The following TTLL11 variants were observed in gnomAD, a reference collection of about 807,000 sequenced individuals.
TTLL11 encodes the protein tubulin polyglutamylase TTLL11.
Under a neutral mutation model 51.7 loss-of-function variants are expected in TTLL11, and 42 were observed. That is an observed-to-expected ratio of 0.81 (90% CI 0.64 to 1.05). The LOEUF is 1.05. Ranked by LOEUF, TTLL11 falls within the 50% of genes least tolerant of loss-of-function variation. The probability of loss-of-function intolerance (pLI) is 0.00; values close to 1 mark genes in which losing one functional copy is unlikely to be tolerated. For synonymous variants in TTLL11, 381 were observed against 383.5 expected, an observed-to-expected ratio of 0.99 and a Z score of 0.08; for missense variants, 799 against 940.4, an observed-to-expected ratio of 0.85 and a Z score of 1.97.
At chr9:121,879,283 T>C (rs535358467) in intron 6 of TTLL11, among the ~76,000 whole-genome samples, 54 of 152,240 alleles carry the variant, frequency 3.5e-4, no homozygotes, top group Admixed American at 1.6e-3. Context: ...CCCCATCCCA[T>C]GTAACCAAAC....
chr9:121,972,226 C>T (rs1446457952), intron 6 of TTLL11, among the ~76,000 whole-genome samples: 1 of 152,104 alleles, frequency 6.6e-6, no homozygotes, highest in East Asian at 1.9e-4. Context: ...ACCCAAATCT[C>T]CTTACAGTAC....
chr9:122,024,050 T>C (rs1844260235), intron 3 of TTLL11, among the ~76,000 whole-genome samples: 1 of 151,884 alleles, frequency 6.6e-6, no homozygotes, highest in Non-Finnish European at 1.5e-5. Flanking sequence ...ATATAGAAAA[T>C]CCAGTGGAAG....
chr9:122,012,973 C>G (rs1421612775), intron 3 of TTLL11, among the ~76,000 whole-genome samples: 1 of 152,154 alleles, frequency 6.6e-6, no homozygotes. Flanking sequence ...CTGAGGGTCC[C>G]CTTTGTGTTG....
At chr9:121,951,460 T>G (rs781459071) in intron 6 of TTLL11, among the ~76,000 whole-genome samples, 3 of 152,242 alleles carry the variant, frequency 2.0e-5, no homozygotes, top group African/African-American at 4.8e-5. Context: ...TTTATTTATA[T>G]TTACATAAAC....
chr9:122,005,488 T>TTG (rs1843616324), intron 3 of TTLL11, among the ~76,000 whole-genome samples: 1 of 152,190 alleles, frequency 6.6e-6, no homozygotes, highest in African/African-American at 2.4e-5. Flanking sequence ...TAAGGTTGCC[T>TTG]GCAGGGTGGC....
At chr9:121,831,811 A>ACC (rs1180265562) in intron 8 of TTLL11, among the ~76,000 whole-genome samples, 1 of 151,956 alleles carries the variant, frequency 6.6e-6, no homozygotes, top group Non-Finnish European at 1.5e-5. Flanking sequence ...CTGAAATCCC[A>ACC]CTGTTCACTC....
chr9:121,941,158 G>C (rs1430321569), intron 6 of TTLL11, among the ~76,000 whole-genome samples: 1 of 152,168 alleles, frequency 6.6e-6, no homozygotes, highest in Non-Finnish European at 1.5e-5. Flanking sequence ...ATAACCAAAG[G>C]CTTACTCTTT....
At chr9:121,990,836 A>G (rs1843090101) in intron 3 of TTLL11, among the ~76,000 whole-genome samples, 1 of 152,128 alleles carries the variant, frequency 6.6e-6, no homozygotes, top group Non-Finnish European at 1.5e-5. Context: ...GAACACTCAC[A>G]TAATTAACTA....
At chr9:121,869,560 C>G (rs1588082563) in intron 7 of TTLL11, among the ~76,000 whole-genome samples, 2 of 152,116 alleles carry the variant, frequency 1.3e-5, no homozygotes, top group Non-Finnish European at 2.9e-5. Flanking sequence ...TTAGTGGGAA[C>G]CTTCTTTGAT....
chr9:122,007,713 G>A (rs1843696231), intron 3 of TTLL11, among the ~76,000 whole-genome samples: 1 of 152,182 alleles, frequency 6.6e-6, no homozygotes, highest in South Asian at 2.1e-4. Context: ...CAGAAGGGAA[G>A]ATAGAGGTAG....
chr9:121,967,868 T>C (rs1023801757), intron 6 of TTLL11, among the ~76,000 whole-genome samples: 3 of 152,206 alleles, frequency 2.0e-5, no homozygotes, highest in African/African-American at 7.2e-5. Context: ...GAAAATATTA[T>C]ACTAAGTGAA....
intron 3 of TTLL11, among the ~76,000 whole-genome samples, chr9:122,009,306 A>AT (rs1004661390): frequency 6.6e-6 from 1 of 152,160 alleles, no homozygotes; most frequent in South Asian, 2.1e-4. Flanking sequence ...AAATACATAC[A>AT]TTTTTTATTT....
intron 6 of TTLL11, among the ~76,000 whole-genome samples, chr9:121,948,882 C>T (rs928522649): frequency 4.6e-5 from 7 of 152,216 alleles, no homozygotes; most frequent in African/African-American, 1.7e-4. Flanking sequence ...AGAGCAAGAA[C>T]ATGACCTGAT....
intron 7 of TTLL11, among the ~76,000 whole-genome samples, chr9:121,869,668 AC>A (rs1838285763): frequency 6.6e-6 from 1 of 152,228 alleles, no homozygotes; most frequent in Non-Finnish European, 1.5e-5. Context: ...GAAGAAACTG[AC>A]ATTTATTGAT....
At chr9:122,053,862 G>A (rs751494279) in intron 1 of TTLL11, among the ~76,000 whole-genome samples, 23 of 152,044 alleles carry the variant, frequency 1.5e-4, no homozygotes, top group Non-Finnish European at 3.4e-4. Flanking sequence ...AGGCTCCCAC[G>A]GAGATAACTA....
intron 6 of TTLL11, among the ~76,000 whole-genome samples, chr9:121,942,032 C>T (rs537291610): frequency 1.3e-5 from 2 of 152,298 alleles, no homozygotes; most frequent in East Asian, 1.9e-4. Flanking sequence ...CTGCCCTTCT[C>T]CCATGCAGTC....
intron 1 of TTLL11, among the ~76,000 whole-genome samples, chr9:122,081,552 G>C (rs1408448193): frequency 6.6e-6 from 1 of 152,204 alleles, no homozygotes; most frequent in Non-Finnish European, 1.5e-5. Flanking sequence ...ATAAATCTAT[G>C]TGAAAGTTTC....
intron 6 of TTLL11, among the ~76,000 whole-genome samples, chr9:121,910,957 T>C (rs1840093329): frequency 6.6e-6 from 1 of 152,252 alleles, no homozygotes; most frequent in Non-Finnish European, 1.5e-5. Flanking sequence ...ATTTTTTTAA[T>C]GTGGGGGAAA....
chr9:121,929,325 A>G (rs1204557409), intron 6 of TTLL11, among the ~76,000 whole-genome samples: 1 of 152,070 alleles, frequency 6.6e-6, no homozygotes, highest in African/African-American at 2.4e-5. Flanking sequence ...CTGTAATCCC[A>G]GCTACTCAGG....
Sources: allele counts gnomAD v4.1 joint callset (sites outside exome capture counted in the v4.1 genomes callset), GRCh38; gene constraint gnomAD v4.1.1; transcripts MANE v1.5; gene names NCBI Gene and HGNC (gene_info 2026-07-23, HGNC 2026-07-21).